CUBN: variants seen among roughly 807,000 people sequenced by gnomAD.
CUBN encodes 460 kDa receptor.
Under a neutral mutation model 405.3 loss-of-function variants are expected in CUBN, and 282 were observed. The observed-to-expected ratio is 0.70, with a 90% confidence interval of 0.63 to 0.77. CUBN has a LOEUF of 0.77. CUBN is among the 30% of genes least tolerant of loss of function. The pLI is 0.00. For missense variants in CUBN, 4,514 were observed against 4,475.2 expected, an observed-to-expected ratio of 1.01 and a Z score of -0.25; for synonymous variants, 1,684 against 1,617.0, an observed-to-expected ratio of 1.04 and a Z score of -0.99.
At chr10:16,944,795 T>C (rs979767871) in intron 36 of CUBN, among the ~76,000 whole-genome samples, 5 of 152,242 alleles carry the variant, frequency 3.3e-5, no homozygotes, top group Non-Finnish European at 7.3e-5. Context: ...ACTTGCTTTC[T>C]GTGTGTGTAA....
At chr10:17,005,710 G>A (rs746161416) in intron 28 of CUBN, among the ~76,000 whole-genome samples, 36 of 152,020 alleles carry the variant, frequency 2.4e-4, no homozygotes, top group Admixed American at 2.3e-3. Flanking sequence ...TTCTACACTT[G>A]GTTTACCTGC....
In CUBN at chr10:16,928,255, A is replaced by G; in HGVS notation, c.6173T>C (p.Ile2058Thr). 6.2e-7 allele frequency: 1 copy of G among 1,613,946 alleles called. No homozygotes were observed. Among genetic ancestry groups the G allele is most frequent in the Non-Finnish European group, 8.5e-7 (1 of 1,179,902 alleles). Residue 2058 changes from isoleucine (I) to threonine (T), a missense_variant, in exon 41 of 67, where the codon ATC (isoleucine) becomes ACC (threonine). Ile to Thr is a moderately conservative substitution (Grantham distance 89). Transcript: ENST00000377833. ...TCCAGTAGACCGGATGGGCCCAGGG[A>G]TCTCTCTGCCACAGAGAACTGCTAG... ...QQLAVLCGRE[I>T]PGPIRSTGEY...
At chr10:16,963,936 C>T (rs542649963) in intron 31 of CUBN, among the ~76,000 whole-genome samples, 8 of 152,192 alleles carry the variant, frequency 5.3e-5, no homozygotes, top group Non-Finnish European at 1.2e-4. Context: ...CCAGAAATCT[C>T]ATTAGCAGTT....
At chr10:16,975,446 A>G (rs1234086766) in intron 31 of CUBN, among the ~76,000 whole-genome samples, 1 of 152,116 alleles carries the variant, frequency 6.6e-6, no homozygotes, top group Non-Finnish European at 1.5e-5. Context: ...CATGCTGTTG[A>G]CCTAGGCTTT....
chr10:16,826,653 C>T (rs1318730563), intron 66 of CUBN, among the ~76,000 whole-genome samples: 1 of 151,990 alleles, frequency 6.6e-6, no homozygotes, highest in African/African-American at 2.4e-5. Flanking sequence ...CCGTAAACAC[C>T]AACAGTTAAA....
chr10:16,874,635 T>A, intron 57 of CUBN, 132 bp from the exon 58 acceptor site: 1 of 1,059,616 alleles, frequency 9.4e-7, no homozygotes, highest in Non-Finnish European at 1.4e-6. Context: ...TAAAGTGACT[T>A]ATATCTCCCT....
chr10:16,831,169 A>T (rs1838978708), intron 65 of CUBN, 83 bp downstream of exon 65: 1 of 1,222,590 alleles, frequency 8.2e-7, no homozygotes, highest in Non-Finnish European at 1.2e-6. Context: ...GTAGCTAAAA[A>T]TATAAAGTTA....
intron 14 of CUBN, among the ~76,000 whole-genome samples, chr10:17,095,201 T>A (rs1487147199): frequency 6.6e-6 from 1 of 151,946 alleles, no homozygotes; most frequent in African/African-American, 2.4e-5. Flanking sequence ...GGATATCCAT[T>A]TGCAGAAAAA....
At chr10:17,096,857 G>T (rs1313739558) in intron 14 of CUBN, among the ~76,000 whole-genome samples, 1 of 152,004 alleles carries the variant, frequency 6.6e-6, no homozygotes, top group Non-Finnish European at 1.5e-5. Flanking sequence ...TGGTCACAGA[G>T]AATTCAAAAT....
intron 28 of CUBN, among the ~76,000 whole-genome samples, chr10:17,011,403 G>T (rs1834176568): frequency 6.6e-6 from 1 of 152,054 alleles, no homozygotes; most frequent in African/African-American, 2.4e-5. Context: ...GAGTGTTACG[G>T]CCCTTAAAGG....
intron 62 of CUBN, among the ~76,000 whole-genome samples, chr10:16,837,959 A>C (rs779220310): frequency 3.3e-5 from 5 of 152,036 alleles, no homozygotes; most frequent in Non-Finnish European, 7.4e-5. Flanking sequence ...CCTGATCCCC[A>C]TTGTCTTAGC....
chr10:16,909,673 T>C (rs1230308934), intron 48 of CUBN, among the ~76,000 whole-genome samples: 1 of 152,202 alleles, frequency 6.6e-6, no homozygotes, highest in African/African-American at 2.4e-5. Flanking sequence ...ACTGAACATG[T>C]TATAGTCATC....
chr10:17,047,714 G>T, intron 22 of CUBN, 111 bp from the exon 23 acceptor site: 1 of 1,015,870 alleles, frequency 9.8e-7, no homozygotes, highest in Non-Finnish European at 1.5e-6. Flanking sequence ...TTTTCAATAA[G>T]CCATTCTGGA....
intron 22 of CUBN, among the ~76,000 whole-genome samples, chr10:17,060,143 T>A (rs923925070): frequency 6.6e-6 from 1 of 151,788 alleles, no homozygotes; most frequent in African/African-American, 2.4e-5. Flanking sequence ...TTTTTTTTCA[T>A]GGAGTTTCGC....
At chr10:17,055,951 G>A (rs1365913014) in intron 22 of CUBN, among the ~76,000 whole-genome samples, 2 of 152,014 alleles carry the variant, frequency 1.3e-5, no homozygotes, top group African/African-American at 4.8e-5. Context: ...ATCTAGGATA[G>A]CCCAAACAAT....
intron 39 of CUBN, among the ~76,000 whole-genome samples, chr10:16,933,903 C>T (rs561142969): frequency 4.6e-5 from 7 of 152,276 alleles, no homozygotes; most frequent in Admixed American, 4.6e-4. Context: ...ACAGCTGTTG[C>T]TGATTGTTTT....
intron 26 of CUBN, among the ~76,000 whole-genome samples, chr10:17,041,591 C>T (rs1026221596): frequency 2.6e-5 from 4 of 151,856 alleles, no homozygotes; most frequent in Admixed American, 2.0e-4. Flanking sequence ...GTTAGAGAAG[C>T]GCATTCGACG....
At position 17,122,845 on chromosome 10, in the gene CUBN, G is replaced by C. The variant is rs1291060812; in HGVS notation, c.543C>G (p.Pro181=). 6.2e-7 allele frequency: 1 copy of C among 1,613,600 alleles called. No individual in the cohort carries two copies. The highest frequency in any genetic ancestry group is 8.5e-7 in the Non-Finnish European group (1 of 1,179,926). ...VNECEIYSGT[P]LSCQNGGTCV... ...ATGTGCCTCCATTCTGGCAGCTCAA[G>C]GGTGTTCCTGAGTAAATCTCACATT... is the stretch of plus-strand genomic sequence containing the variant. The change falls in exon 6 of 67, where the codon CCC becomes CCG. Residue 181 remains proline, a synonymous_variant. Coordinates refer to ENST00000377833, the MANE Select transcript of CUBN (RefSeq NM_001081.4).
intron 34 of CUBN, among the ~76,000 whole-genome samples, chr10:16,949,446 TGTGTGTGTGTGTGTGTGTA>T (rs1476103183): frequency 4.8e-5 from 5 of 104,866 alleles, no homozygotes; most frequent in Admixed American, 9.8e-5. Flanking sequence ...TGTGTGTGTG[TGTGTGTGTGTGTGTGTGTA>T]GTGTGTGTGT....
Sources: gnomAD v4.1 joint callset for allele counts (sites outside exome capture counted in the v4.1 genomes callset) on GRCh38, gnomAD v4.1.1 for gene constraint, MANE v1.5 for transcripts, NCBI Gene and HGNC (gene_info 2026-07-23, HGNC 2026-07-21) for gene names.